Variants in B3GAT2 observed in about 807,000 individuals in gnomAD.
The protein encoded by B3GAT2 is beta-1,3-glucuronyltransferase 2.
A neutral mutation model predicts 27.8 loss-of-function variants in B3GAT2; 26 were observed. That is an observed-to-expected ratio of 0.93 (90% CI 0.68 to 1.30). B3GAT2 has a LOEUF of 1.30. Among genes scored for constraint, B3GAT2 ranks in the 50% most tolerant of loss-of-function variants. The pLI is 0.00. For synonymous variants in B3GAT2, 218 were observed against 195.1 expected, an observed-to-expected ratio of 1.12 and a Z score of -0.98; for missense variants, 458 against 459.0, an observed-to-expected ratio of 1.00 and a Z score of 0.02.
chr6:70,861,631 G>A lies in B3GAT2; in HGVS notation c.*32C>T. On this transcript the variant is annotated 3_prime_UTR_variant, in exon 4 of 4. Transcript: ENST00000230053. ...CATCCTCTTCCATATGGATCCACTG[G>A]CTGGACAAACTGCACCAGTTGCTGC... 6.3e-7 allele frequency: 1 copy of A among 1,593,468 alleles called. No homozygotes were observed. Among genetic ancestry groups the A allele is most frequent in the Non-Finnish European group, 8.6e-7 (1 of 1,162,612 alleles).
At chr6:70,862,762 G>T (rs1771781952) in intron 2 of B3GAT2, among the ~76,000 whole-genome samples, 1 of 152,166 alleles carries the variant, frequency 6.6e-6, no homozygotes, top group African/African-American at 2.4e-5. Context: ...TTGAGCCCAG[G>T]AGTTCAAGAC....
At chr6:70,873,645 T>G (rs1026359637) in intron 2 of B3GAT2, among the ~76,000 whole-genome samples, 3 of 152,092 alleles carry the variant, frequency 2.0e-5, no homozygotes, top group Non-Finnish European at 4.4e-5. Flanking sequence ...CAAATATTCT[T>G]TTTGTCCCTT....
intron 2 of B3GAT2, among the ~76,000 whole-genome samples, chr6:70,885,835 A>G (rs1226719876): frequency 6.6e-6 from 1 of 152,220 alleles, no homozygotes; most frequent in East Asian, 1.9e-4. Context: ...AGAAACAGAT[A>G]TTCCCCTAGA....
chr6:70,945,232 T>C lies in B3GAT2; in HGVS notation c.591+10607A>G, dbSNP rs180839798. On this transcript the variant is annotated intron_variant, in intron 1 of 3. Transcript: ENST00000230053. ...AACAAAGCTGGACAGAGAATGACTT[T>C]GACGAGTTGAGAGAAGAAGGCTTCA... Among the ~76,000 whole-genome samples, 76 of 152,282 alleles carry C rather than the reference T, an allele frequency of 5.0e-4. No homozygotes were observed. The East Asian group carries it at 0.014, about 27-fold the overall frequency.
intron 1 of B3GAT2, among the ~76,000 whole-genome samples, chr6:70,944,716 C>G (rs1239183024): frequency 6.6e-6 from 1 of 152,168 alleles, no homozygotes. Context: ...TTGAAAAGAG[C>G]AGTGGTTCTC....
Position 70,856,951 on chromosome 6 carries a change from A to T in B3GAT2, c.*4712T>A. ...CTGAGCAAACTACAAAATCAGAAGA[A>T]GTGGCAAAGAAACAACTTTCCAAAG... is the stretch of plus-strand genomic sequence containing the variant. On this transcript the variant is annotated 3_prime_UTR_variant, in exon 4 of 4. Coordinates refer to ENST00000230053, the MANE Select transcript of B3GAT2 (RefSeq NM_080742.3). 6.2e-7 allele frequency: 1 copy of T among 1,614,036 alleles called. No individual in the cohort carries two copies. The highest frequency in any genetic ancestry group is 8.5e-7 in the Non-Finnish European group (1 of 1,179,900).
In B3GAT2 at chr6:70,944,778, T is replaced by TCCCTGAC. The variant is rs1169937577; in HGVS notation, c.591+11054_591+11060dup. On this transcript the variant is annotated intron_variant, in intron 1 of 3. Coordinates refer to ENST00000230053, the MANE Select transcript of B3GAT2 (RefSeq NM_080742.3). Reference sequence around the variant, plus strand: ...CAGGCAGACTGCCTCCTCAAGTGGGTCCCTGACCCCTGACCCCCGAGCAGC... The same window carrying TCCCTGAC: ...CAGGCAGACTGCCTCCTCAAGTGGGTCCCTGACCCCTGACCCCTGACCCCCGAGCAGC... Among the ~76,000 whole-genome samples the TCCCTGAC allele has an allele frequency of 2.6e-5, 4 of 152,232 alleles. No individual in the cohort carries two copies. The East Asian group carries it at 7.7e-4, about 29-fold the overall frequency.
intron 1 of B3GAT2, among the ~76,000 whole-genome samples, chr6:70,942,112 G>C (rs2150049857): frequency 6.6e-6 from 1 of 152,186 alleles, no homozygotes; most frequent in South Asian, 2.1e-4. Context: ...TGGGCATTCT[G>C]AAAACCAGAT....
At position 70,860,414 on chromosome 6, in the gene B3GAT2, A is replaced by G. The variant is rs1269215774; in HGVS notation, c.*1249T>C. 12 of 1,501,500 alleles carry G rather than the reference A, an allele frequency of 8.0e-6. No homozygotes were observed. Among genetic ancestry groups the G allele is most frequent in the Non-Finnish European group, 8.9e-6 (10 of 1,119,252 alleles). 93.0% of individuals were successfully genotyped at this position (1,501,500 alleles called of 1,614,324 possible). A position where few individuals can be genotyped will look rare whatever the true frequency, so the allele number is the denominator to read the frequency against. On this transcript the variant is annotated 3_prime_UTR_variant, in exon 4 of 4. Coordinates refer to ENST00000230053, the MANE Select transcript of B3GAT2 (RefSeq NM_080742.3). Reference sequence around the variant, plus strand: ...GCATCTAGTTCCCCTGTTTATTCATATGCATATTTTTTTTCTTTTTACCCA... The same window carrying G: ...GCATCTAGTTCCCCTGTTTATTCATGTGCATATTTTTTTTCTTTTTACCCA...
intron 1 of B3GAT2, among the ~76,000 whole-genome samples, chr6:70,915,517 T>C (rs773395380): frequency 2.0e-5 from 3 of 152,354 alleles, no homozygotes; most frequent in Admixed American, 1.3e-4. Flanking sequence ...TAGGTTTTTT[T>C]GTAGGGTTTT....
chr6:70,952,067 G>A (rs954715403), intron 1 of B3GAT2, among the ~76,000 whole-genome samples: 3 of 151,856 alleles, frequency 2.0e-5, no homozygotes, highest in Non-Finnish European at 4.4e-5. Context: ...ATAAGCAGCA[G>A]GTAAAGAGGG....
chr6:70,956,741 T>A lies in B3GAT2; in HGVS notation c.-312A>T, dbSNP rs1195793002. The A allele has an allele frequency of 3.9e-6, 5 of 1,279,678 alleles. No homozygotes were observed. The South Asian group carries it at 6.9e-5, about 18-fold the overall frequency. 79.3% of individuals were successfully genotyped at this position (1,279,678 alleles called of 1,614,324 possible). A position where few individuals can be genotyped will look rare whatever the true frequency, so the allele number is the denominator to read the frequency against. On this transcript the variant is annotated 5_prime_UTR_variant, in exon 1 of 4. Coordinates refer to ENST00000230053, the MANE Select transcript of B3GAT2 (RefSeq NM_080742.3). ...CCGCCGGTCCCGGAGTTGTGCCGAG[T>A]GCGGGAAAGGCGCTGATCCCCACCG...
chr6:70,948,178 G>T (rs1336573303), intron 1 of B3GAT2, among the ~76,000 whole-genome samples: 1 of 146,806 alleles, frequency 6.8e-6, no homozygotes, highest in Non-Finnish European at 1.5e-5. Context: ...CACAAGACAG[G>T]GATGCCCTCT....
At chr6:70,903,533 A>G (rs1772544637) in intron 1 of B3GAT2, among the ~76,000 whole-genome samples, 1 of 152,194 alleles carries the variant, frequency 6.6e-6, no homozygotes, top group African/African-American at 2.4e-5. Flanking sequence ...CAATTAAAAA[A>G]GTCAGTGAAA....
At chr6:70,927,315 C>T (rs1345077531) in intron 1 of B3GAT2, among the ~76,000 whole-genome samples, 1 of 152,214 alleles carries the variant, frequency 6.6e-6, no homozygotes, top group African/African-American at 2.4e-5. Context: ...GGATCAAATT[C>T]ACACATAACA....
At chr6:70,862,404 T>A (rs77015897) in intron 2 of B3GAT2, among the ~76,000 whole-genome samples, 3,936 of 152,322 alleles carry the variant, frequency 0.026, 172 homozygotes, top group African/African-American at 0.09. Context: ...CCTGTAATAT[T>A]AATTATGTAT....
intron 1 of B3GAT2, among the ~76,000 whole-genome samples, chr6:70,935,345 T>A: frequency 6.6e-6 from 1 of 152,058 alleles, no homozygotes; most frequent in Non-Finnish European, 1.5e-5. Context: ...TCCCAGCTAC[T>A]CAGGAGGGTG....
rs528195530 is a variant in B3GAT2 at position 70,885,815 on chromosome 6, G to A, written c.736+8313C>T. ...AAGAAGCAATGATCCCTAATCTACAGGTATTAGGAAGAAACAGATATTCCC... is the reference window on the plus strand; with the variant it reads ...AAGAAGCAATGATCCCTAATCTACAAGTATTAGGAAGAAACAGATATTCCC... On this transcript the variant is annotated intron_variant, in intron 2 of 3. Transcript: ENST00000230053. Among the ~76,000 whole-genome samples the A allele has an allele frequency of 1.3e-4, 20 of 152,264 alleles. No individual in the cohort carries two copies. The East Asian group carries it at 3.7e-3, about 28-fold the overall frequency.
chr6:70,916,369 T>A (rs1772774361), intron 1 of B3GAT2, among the ~76,000 whole-genome samples: 1 of 152,218 alleles, frequency 6.6e-6, no homozygotes, highest in East Asian at 1.9e-4. Flanking sequence ...CTTCCTCTTT[T>A]CCTAATTGAA....
Sources: allele counts gnomAD v4.1 joint callset (sites outside exome capture counted in the v4.1 genomes callset), GRCh38; gene constraint gnomAD v4.1.1; transcripts MANE v1.5; gene names NCBI Gene and HGNC (gene_info 2026-07-23, HGNC 2026-07-21).